Variants in RBM47 observed in about 807,000 individuals in gnomAD.
RBM47 encodes the protein RNA-binding protein 47.
In RBM47, 21 loss-of-function variants were observed where a neutral mutation model predicts 47.1. The ratio of observed to expected loss-of-function variants is 0.45; its 90% CI spans 0.32 to 0.64. The LOEUF is 0.64. Ranked by LOEUF, RBM47 falls within the 30% of genes least tolerant of loss-of-function variation. The pLI, the probability that RBM47 is intolerant of heterozygous loss-of-function variation, is 0.05. For synonymous variants in RBM47, 375 were observed against 361.7 expected (o/e 1.04, Z -0.42); for missense variants, 708 against 870.9 (o/e 0.81, Z 2.35).
chr4:40,538,847 T>C (rs1446557141), intron 2 of RBM47, among the ~76,000 whole-genome samples: 2 of 150,528 alleles, frequency 1.3e-5, no homozygotes, highest in African/African-American at 2.4e-5. Context: ...TGTTGGCCAG[T>C]CAGTTTCGAA....
chr4:40,535,371 C>CTTTTTTTTTTTTTTTTTTCTT (rs1553897874), intron 2 of RBM47, among the ~76,000 whole-genome samples: 2 of 103,458 alleles, frequency 1.9e-5, no homozygotes, highest in Admixed American at 1.1e-4. Flanking sequence ...TATGGTATTT[C>CTTTTTTTTTTTTTTTTTTCTT]TTTTTTTTTT....
chr4:40,598,542 G>A lies in RBM47; in HGVS notation c.-240+30854C>T, dbSNP rs186006121. Among the ~76,000 whole-genome samples, 381 of 152,014 alleles carry A rather than the reference G, an allele frequency of 2.5e-3. 1 individual carries two copies. Among genetic ancestry groups the A allele is most frequent in the Admixed American group, 4.7e-3 (71 of 15,232 alleles). On this transcript the variant is annotated intron_variant, in intron 1 of 6. Transcript: ENST00000295971. The stretch of plus-strand genomic sequence containing the variant: ...TGGGATTACAGGCATGAGCCACTGC[G>A]CCCGGCCCCAATCATAGAACTTTAA...
chr4:40,621,849 G>A lies in RBM47; in HGVS notation c.-240+7547C>T, dbSNP rs944605052. Among the ~76,000 whole-genome samples, 9 of 152,302 alleles carry A rather than the reference G, an allele frequency of 5.9e-5. No homozygotes were observed. In the East Asian group the frequency reaches 1.5e-3, roughly 26 times the overall value. ...AATGGGGAAGTGCTGAAACGATTGC[G>A]ACATCCCCACATTTGGCCCTGCCTT... On this transcript the variant is annotated intron_variant, in intron 1 of 6. Transcript: ENST00000295971.
chr4:40,561,213 T>G (rs1730584481), intron 1 of RBM47, among the ~76,000 whole-genome samples: 2 of 150,678 alleles, frequency 1.3e-5, no homozygotes, highest in African/African-American at 4.9e-5. Context: ...TTTCTGGGAC[T>G]ATTTTTCCAT....
chr4:40,449,482 T>A (rs775323889), intron 3 of RBM47, among the ~76,000 whole-genome samples: 9 of 152,202 alleles, frequency 5.9e-5, no homozygotes, highest in Non-Finnish European at 1.3e-4. Context: ...GATAAACAGA[T>A]GCAAAGCCAA....
intron 1 of RBM47, among the ~76,000 whole-genome samples, chr4:40,593,962 G>GA (rs1734519267): frequency 6.6e-6 from 1 of 151,908 alleles, no homozygotes; most frequent in East Asian, 1.9e-4. Context: ...AGAGGCAGGA[G>GA]AATCGATTGA....
chr4:40,630,845 G>A (rs1295529411), upstream of RBM47: 3 of 152,122 alleles, frequency 2.0e-5, no homozygotes, highest in African/African-American at 7.2e-5. Flanking sequence ...TGTAGGCGCG[G>A]AATGGGCCAA....
At chr4:40,431,386 C>T (rs983466384) in intron 6 of RBM47, among the ~76,000 whole-genome samples, 4 of 152,088 alleles carry the variant, frequency 2.6e-5, no homozygotes, top group Non-Finnish European at 4.4e-5. Context: ...TGGCCGGGCG[C>T]GGTGGCTCAC....
intron 6 of RBM47, among the ~76,000 whole-genome samples, chr4:40,428,134 A>G (rs899984039): frequency 3.9e-5 from 6 of 152,178 alleles, no homozygotes; most frequent in Non-Finnish European, 8.8e-5. Context: ...TCAAAGCTGC[A>G]GTGAGCTGGG....
At chr4:40,440,810 G>A (rs1471604288) in intron 3 of RBM47, among the ~76,000 whole-genome samples, 1 of 152,162 alleles carries the variant, frequency 6.6e-6, no homozygotes, top group Non-Finnish European at 1.5e-5. Flanking sequence ...AGAGGAGTGA[G>A]TTAATACATA....
intron 2 of RBM47, among the ~76,000 whole-genome samples, chr4:40,495,901 C>G (rs900807121): frequency 1.3e-5 from 2 of 152,050 alleles, no homozygotes; most frequent in African/African-American, 2.4e-5. Context: ...TGGAGAGAAC[C>G]TTTTTCACTG....
intron 1 of RBM47, among the ~76,000 whole-genome samples, chr4:40,622,871 G>C (rs1737391295): frequency 6.6e-6 from 1 of 152,158 alleles, no homozygotes; most frequent in Admixed American, 6.5e-5. Context: ...GACAGAGTGA[G>C]ACTCCATCTC....
chr4:40,623,168 G>A (rs182763337), intron 1 of RBM47, among the ~76,000 whole-genome samples: 1 of 152,252 alleles, frequency 6.6e-6, no homozygotes, highest in East Asian at 1.9e-4. Context: ...TATCATATGA[G>A]CTGGCAGTTT....
chr4:40,529,793 C>T (rs1727183934), intron 2 of RBM47, among the ~76,000 whole-genome samples: 1 of 149,452 alleles, frequency 6.7e-6, no homozygotes, highest in South Asian at 2.1e-4. Flanking sequence ...TGTGCCACTG[C>T]ACTCCAGCCT....
At chr4:40,492,917 ATCTTCCCCTTCTGCTTCCCCTCC>A (rs1228018079) in intron 2 of RBM47, among the ~76,000 whole-genome samples, 1 of 152,138 alleles carries the variant, frequency 6.6e-6, no homozygotes, top group Non-Finnish European at 1.5e-5. Flanking sequence ...ACTCCCCTGC[ATCTTCCCCTTCTGCTTCCCCTCC>A]TCCATCACCC....
rs1186657478 is a variant in RBM47 at position 40,544,446 on chromosome 4, T to C, written c.-179A>G. 1 of 152,188 alleles carries C rather than the reference T, an allele frequency of 6.6e-6. No individual in the cohort carries two copies. The highest frequency in any genetic ancestry group is 2.4e-5 in the African/African-American group (1 of 41,440). The allele number at this position is 152,188 out of a possible 1,614,324, so 9.4% of individuals were successfully genotyped here. On this transcript the variant is annotated 5_prime_UTR_variant, in exon 2 of 7. Transcript: ENST00000295971. ...CCAAACCTCCTCAGTGAGCCAAGGA[T>C]TGCTGATCTCTGCTGGGTGACCTGA...
Position 40,423,807 on chromosome 4 carries a change from A to G in RBM47, c.*2097T>C, listed in dbSNP as rs1198227614. 1 of 152,188 alleles carries G rather than the reference A, an allele frequency of 6.6e-6. No homozygotes were observed. The highest frequency in any genetic ancestry group is 1.5e-5 in the Non-Finnish European group (1 of 68,012). The allele number at this position is 152,188 out of a possible 1,614,324, so 9.4% of individuals were successfully genotyped here. A position where few individuals can be genotyped will look rare whatever the true frequency, so the allele number is the denominator to read the frequency against. On this transcript the variant is annotated 3_prime_UTR_variant, in exon 7 of 7. Transcript: ENST00000295971. Reference sequence around the variant, plus strand: ...AGTAAGAATACTGGGTCATAGTTTCATCCAGTGAAACTCTGTGACAATCCT... The same window carrying G: ...AGTAAGAATACTGGGTCATAGTTTCGTCCAGTGAAACTCTGTGACAATCCT...
intron 1 of RBM47, among the ~76,000 whole-genome samples, chr4:40,559,436 C>T (rs1040520216): frequency 6.6e-6 from 1 of 152,184 alleles, no homozygotes; most frequent in Non-Finnish European, 1.5e-5. Flanking sequence ...TACAGAGAAG[C>T]TGCATTTTCT....
rs555557158 is a variant in RBM47 at position 40,534,716 on chromosome 4, C to T, written c.-155+9706G>A. On this transcript the variant is annotated intron_variant, in intron 2 of 6. Transcript: ENST00000295971. The stretch of plus-strand genomic sequence containing the variant: ...TTGGGAGGCCGAGGCAGGCGGATCA[C>T]GAGGTCAGCAGATAAAGACCATCCT... Among the ~76,000 whole-genome samples the T allele has an allele frequency of 9.2e-5, 14 of 152,138 alleles. No individual in the cohort carries two copies. In the South Asian group the frequency reaches 1.9e-3, roughly 20 times the overall value.
Sources: allele counts gnomAD v4.1 joint callset (sites outside exome capture counted in the v4.1 genomes callset), GRCh38; gene constraint gnomAD v4.1.1; transcripts MANE v1.5; gene names NCBI Gene and HGNC (gene_info 2026-07-23, HGNC 2026-07-21).